NCF4: variants seen among roughly 807,000 people sequenced by gnomAD.
NCF4 encodes the protein neutrophil cytosol factor 4.
Under a neutral mutation model 41.7 loss-of-function variants are expected in NCF4, and 30 were observed. The ratio of observed to expected loss-of-function variants is 0.72; its 90% CI spans 0.54 to 0.97. The LOEUF is 0.97. Ranked by LOEUF, NCF4 falls within the 50% of genes least tolerant of loss-of-function variation. NCF4 has a pLI of 0.00. For missense variants in NCF4, 432 were observed against 460.9 expected (o/e 0.94, Z 0.57); for synonymous variants, 195 against 175.8 (o/e 1.11, Z -0.87).
intron 4 of NCF4, among the ~76,000 whole-genome samples, chr22:36,868,422 CT>C (rs748793911): frequency 2.0e-5 from 3 of 152,246 alleles, no homozygotes; most frequent in Non-Finnish European, 4.4e-5. Context: ...TGAGAAAGTG[CT>C]TTGTAAACTG....
intron 9 of NCF4, 46 bp downstream of exon 9, chr22:36,876,140 G>C (rs1940189337): frequency 1.3e-6 from 2 of 1,515,782 alleles, no homozygotes; most frequent in Non-Finnish European, 1.8e-6. Flanking sequence ...CTCTGGAGAA[G>C]AGAGCGCAGG....
At chr22:36,876,270 G>A (rs1182056197) in intron 9 of NCF4, among the ~76,000 whole-genome samples, 176 bp downstream of exon 9, 1 of 152,152 alleles carries the variant, frequency 6.6e-6, no homozygotes, top group Non-Finnish European at 1.5e-5. Flanking sequence ...AGATGAGCGG[G>A]GAAGCTGCAG....
chr22:36,869,083 A>G (rs1302243600), intron 4 of NCF4, among the ~76,000 whole-genome samples: 1 of 152,216 alleles, frequency 6.6e-6, no homozygotes, highest in East Asian at 1.9e-4. Flanking sequence ...TTATTGATAA[A>G]TGAATAATCT....
chr22:36,872,087 C>A lies in NCF4; in HGVS notation c.529-240C>A, dbSNP rs546357988. The A allele has an allele frequency of 5.0e-4, 352 of 707,284 alleles. 4 individuals are homozygous for A. The South Asian group carries it at 5.2e-3, about 10-fold the overall frequency. The allele number at this position is 707,284 out of a possible 1,614,324, so 43.8% of individuals were successfully genotyped here. On this transcript the variant is annotated intron_variant, in intron 6 of 9. Coordinates refer to ENST00000248899, the MANE Select transcript of NCF4 (RefSeq NM_000631.5). Reference sequence around the variant, plus strand: ...GGTGCTCAGCCCAGAGAGTTCGAACCCTTCCCTGTGTGCTCACCCCCACCA... The same window carrying A: ...GGTGCTCAGCCCAGAGAGTTCGAACACTTCCCTGTGTGCTCACCCCCACCA...
intron 1 of NCF4, 93 bp from the exon 2 acceptor site, chr22:36,863,952 C>T (rs1939850891): frequency 3.3e-6 from 4 of 1,198,020 alleles, no homozygotes; most frequent in Middle Eastern, 2.1e-4. Context: ...GGCTTCACAA[C>T]ATTAGTTTGC....
rs1372853829 is a variant in NCF4 at position 36,865,847 on chromosome 22, T to C, written c.271+775T>C. Reference sequence around the variant, plus strand: ...GTCTCTGTTTCTGTCTCTCTCTGTCTCAGCATATGACCCCGCTCCTTCTCA... The same window carrying C: ...GTCTCTGTTTCTGTCTCTCTCTGTCCCAGCATATGACCCCGCTCCTTCTCA... On this transcript the variant is annotated intron_variant, in intron 3 of 9. Transcript: ENST00000248899. The surrounding 1 kb of genome is among the most constrained non-coding windows in gnomAD (Gnocchi z 4.3). Among the ~76,000 whole-genome samples, 1 of 152,098 alleles carries C rather than the reference T, an allele frequency of 6.6e-6. No individual in the cohort carries two copies. The highest frequency in any genetic ancestry group is 1.5e-5 in the Non-Finnish European group (1 of 68,010).
At position 36,865,579 on chromosome 22, in the gene NCF4, C is replaced by A. The variant is rs1235308943; in HGVS notation, c.271+507C>A. ...CTCTGCTTGCAAACAGTCTCCCCGCCCCCTGGCCTCCTGGTCCTTCCTCCC... is the reference window on the plus strand; with the variant it reads ...CTCTGCTTGCAAACAGTCTCCCCGCACCCTGGCCTCCTGGTCCTTCCTCCC... On this transcript the variant is annotated intron_variant, in intron 3 of 9. Transcript: ENST00000248899. This position sits in a 1 kb window ranked among gnomAD's most constrained non-coding sequence, Gnocchi z 4.3. Among the ~76,000 whole-genome samples, 3 of 152,116 alleles carry A rather than the reference C, an allele frequency of 2.0e-5. No individual in the cohort carries two copies. The highest frequency in any genetic ancestry group is 4.4e-5 in the Non-Finnish European group (3 of 68,022).
At chr22:36,871,501 C>A in intron 5 of NCF4, 151 bp from the exon 6 acceptor site, 1 of 840,812 alleles carries the variant, frequency 1.2e-6, no homozygotes, top group Non-Finnish European at 2.0e-6. Flanking sequence ...ACAAGTGTGC[C>A]CGCCCAGAGG....
At chr22:36,868,024 G>A (rs34424087) in intron 4 of NCF4, among the ~76,000 whole-genome samples, 5,615 of 152,292 alleles carry the variant, frequency 0.037, 170 homozygotes, top group Non-Finnish European at 0.056. Flanking sequence ...TCTCCGACTT[G>A]CAAACTCTGC....
At chr22:36,866,599 G>T (rs1294941254) in intron 3 of NCF4, among the ~76,000 whole-genome samples, 2 of 151,998 alleles carry the variant, frequency 1.3e-5, no homozygotes, top group African/African-American at 2.4e-5. Flanking sequence ...CCAATGTCTA[G>T]CTCTAGCCCA....
intron 2 of NCF4, among the ~76,000 whole-genome samples, 155 bp from the exon 3 acceptor site, chr22:36,864,764 C>A (rs187446471): frequency 1.3e-5 from 2 of 151,726 alleles, no homozygotes; most frequent in East Asian, 3.9e-4. Flanking sequence ...GGGGCGCCAG[C>A]CTTTTGACTT....
At position 36,877,712 on chromosome 22, in the gene NCF4, A is replaced by T. The variant is rs1207905236; in HGVS notation, c.909A>T (p.Val303=). The change falls in exon 10 of 10, where the codon GTA becomes GTT. Residue 303 remains valine, a synonymous_variant. Coordinates refer to ENST00000248899, the MANE Select transcript of NCF4 (RefSeq NM_000631.5). ...TTCGGCTGCTGTCGGATGAGGACGT[A>T]GCGCTCATGGTGCGGCAGGCTCGTG... ...DLVRLLSDED[V]ALMVRQARGL... 1.1e-5 allele frequency: 18 copies of T among 1,614,166 alleles called. No individual in the cohort carries two copies. The highest frequency in any genetic ancestry group is 1.5e-5 in the Non-Finnish European group (18 of 1,180,024).
At position 36,871,672 on chromosome 22, in the gene NCF4, G is replaced by A; in HGVS notation, c.491G>A (p.Gly164Asp). The change falls in exon 6 of 10, where the codon GGC (glycine) becomes GAC (aspartate). Residue 164 changes from glycine (G) to aspartate (D), a missense_variant. Physicochemically the swap from Gly to Asp is moderately conservative, Grantham distance 94 (BLOSUM62 -1). Coordinates refer to ENST00000248899, the MANE Select transcript of NCF4 (RefSeq NM_000631.5). ...TRKVKSVSPQ[G>D]NSVDRMAAPR... ...CACAGCAAGAGCGTGTCCCCACAGG[G>A]CAACAGCGTTGACCGCATGGCAGCT... is the stretch of plus-strand genomic sequence containing the variant. The A allele has an allele frequency of 6.4e-7, 1 of 1,571,420 alleles. No homozygotes were observed. The highest frequency in any genetic ancestry group is 1.2e-5 in the South Asian group (1 of 85,614).
chr22:36,876,840 T>C (rs1940203346), intron 9 of NCF4, among the ~76,000 whole-genome samples: 1 of 152,212 alleles, frequency 6.6e-6, no homozygotes, highest in African/African-American at 2.4e-5. Context: ...ATTAAAGCAT[T>C]TGCAAGTCTC....
chr22:36,864,837 C>G (rs1939884435), intron 2 of NCF4, 82 bp from the exon 3 acceptor site: 2 of 1,549,316 alleles, frequency 1.3e-6, no homozygotes, highest in South Asian at 1.1e-5. Flanking sequence ...TCCTCCTCCT[C>G]CTCCTCCCCT....
intron 3 of NCF4, among the ~76,000 whole-genome samples, chr22:36,867,047 G>A (rs1939942626): frequency 3.3e-5 from 5 of 151,984 alleles, no homozygotes; most frequent in Admixed American, 3.3e-4. Flanking sequence ...CCACTGTCCT[G>A]GGTGATGGGG....
intron 9 of NCF4, among the ~76,000 whole-genome samples, chr22:36,876,550 A>C (rs1472397456): frequency 6.6e-6 from 1 of 152,200 alleles, no homozygotes; most frequent in Non-Finnish European, 1.5e-5. Flanking sequence ...CAAAGAAGTG[A>C]AATCACCTCA....
intron 4 of NCF4, 184 bp from the exon 5 acceptor site, chr22:36,870,231 G>C (rs1371889283): frequency 1.2e-6 from 1 of 829,194 alleles, no homozygotes; most frequent in Admixed American, 2.1e-5. Flanking sequence ...CAGAGCTTGT[G>C]AAGTGTTACC....
At position 36,867,525 on chromosome 22, in the gene NCF4, C is replaced by G. The variant is rs564821226; in HGVS notation, c.342+63C>G. 5.8e-6 allele frequency: 9 copies of G among 1,552,014 alleles called. No homozygotes were observed. In the African/African-American group the frequency reaches 1.1e-4, roughly 19 times the overall value. On this transcript the variant is annotated intron_variant, in intron 4 of 9. Transcript: ENST00000248899. The stretch of plus-strand genomic sequence containing the variant: ...CATGCAGTATTGGTGGGGGAGCCCA[C>G]GTACCATCCCTGGGTATGGCTTTGG...
Sources: gnomAD v4.1 joint callset for allele counts (sites outside exome capture counted in the v4.1 genomes callset) on GRCh38, gnomAD v4.1.1 for gene constraint, Gnocchi (gnomAD v3.1) non-coding constraint, MANE v1.5 for transcripts, NCBI Gene and HGNC (gene_info 2026-07-23, HGNC 2026-07-21) for gene names.